Variants in SLC24A2 observed in about 807,000 individuals in gnomAD.
SLC24A2 encodes the protein solute carrier family 24 member 2, also known as sodium/potassium/calcium exchanger 2.
A neutral mutation model predicts 62.0 loss-of-function variants in SLC24A2; 36 were observed. The observed-to-expected ratio is 0.58, with a 90% CI of 0.44 to 0.77. The LOEUF (loss-of-function observed/expected upper bound fraction) is 0.77, where lower values mean the gene tolerates loss of function less well. SLC24A2 is among the 30% of genes least tolerant of loss of function. The pLI is 0.00. For missense variants in SLC24A2, 846 were observed against 817.9 expected (o/e 1.03, Z -0.42); for synonymous variants, 358 against 294.0 (o/e 1.22, Z -2.23).
At chr9:20,300,911 A>C in the SLC24A2 span, among the ~76,000 whole-genome samples, 1 of 152,186 alleles carries the variant, frequency 6.6e-6, no homozygotes, top group Non-Finnish European at 1.5e-5. Flanking sequence ...GCTGTTGCAA[A>C]CCCTTTTGTC....
chr9:19,822,776 T>C, the SLC24A2 span, among the ~76,000 whole-genome samples: 1 of 152,160 alleles, frequency 6.6e-6, no homozygotes, highest in African/African-American at 2.4e-5. Flanking sequence ...CATCACAGAA[T>C]GTAAGGGAGT....
chr9:19,679,838 C>CTGTGTG (rs58253967), intron 2 of SLC24A2, among the ~76,000 whole-genome samples: 6,715 of 142,308 alleles, frequency 0.047, 176 homozygotes, highest in Middle Eastern at 0.13. Context: ...CTCACATATA[C>CTGTGTG]TGTGTGTGTG....
chr9:19,992,342 G>A, the SLC24A2 span, among the ~76,000 whole-genome samples: 1 of 152,156 alleles, frequency 6.6e-6, no homozygotes, highest in African/African-American at 2.4e-5. Flanking sequence ...TTTCCACCAT[G>A]TCTGTTTGCT....
chr9:19,557,760 T>A (rs535916316), intron 7 of SLC24A2, among the ~76,000 whole-genome samples: 91 of 152,142 alleles, frequency 6.0e-4, no homozygotes, highest in South Asian at 1.9e-3. Context: ...TTTTTTTTTT[T>A]TATATTTTCT....
intron 2 of SLC24A2, among the ~76,000 whole-genome samples, chr9:19,745,471 G>A (rs1297749734): frequency 6.6e-6 from 1 of 152,144 alleles, no homozygotes; most frequent in Non-Finnish European, 1.5e-5. Context: ...GGACCTGCTA[G>A]AACTGCAGAA....
chr9:19,809,441 A>G, the SLC24A2 span, among the ~76,000 whole-genome samples: 105 of 152,364 alleles, frequency 6.9e-4, no homozygotes, highest in Non-Finnish European at 6.0e-4. Context: ...GGAGTTAAGA[A>G]GAAATTACGT....
At chr9:20,118,473 C>G in the SLC24A2 span, among the ~76,000 whole-genome samples, 4 of 151,982 alleles carry the variant, frequency 2.6e-5, no homozygotes, top group Non-Finnish European at 5.9e-5. Flanking sequence ...TGAGAGATAA[C>G]CAACAAGTTT....
chr9:19,768,910 C>T (rs1354391924), intron 2 of SLC24A2, among the ~76,000 whole-genome samples: 1 of 152,120 alleles, frequency 6.6e-6, no homozygotes, highest in Non-Finnish European at 1.5e-5. Context: ...TGCTATGAAT[C>T]CCAGGACTTA....
At chr9:20,067,948 A>G in the SLC24A2 span, among the ~76,000 whole-genome samples, 1 of 152,086 alleles carries the variant, frequency 6.6e-6, no homozygotes, top group Admixed American at 6.5e-5. Context: ...TTCTTTGAGA[A>G]ATTTTCAAAC....
Position 19,614,070 on chromosome 9 carries a change from C to T in SLC24A2, c.1078+5514G>A, listed in dbSNP as rs571878149. Among the ~76,000 whole-genome samples, 230 of 152,292 alleles carry T rather than the reference C, an allele frequency of 1.5e-3. 1 individual carries two copies. Among genetic ancestry groups the T allele is most frequent in the African/African-American group, 5.4e-3 (224 of 41,548 alleles). ...AGACAAATGGTAGGAGAAGATACTTCTCACTGCAAAACTGCAACATCCAGC... is the reference window on the plus strand; with the variant it reads ...AGACAAATGGTAGGAGAAGATACTTTTCACTGCAAAACTGCAACATCCAGC... On this transcript the variant is annotated intron_variant, in intron 4 of 10. Transcript: ENST00000341998.
the SLC24A2 span, among the ~76,000 whole-genome samples, chr9:20,116,839 A>G: frequency 6.6e-6 from 1 of 152,170 alleles, no homozygotes; most frequent in African/African-American, 2.4e-5. Flanking sequence ...GTTGAAGATA[A>G]TAGGTAACTT....
chr9:19,986,093 A>G, the SLC24A2 span, among the ~76,000 whole-genome samples: 1 of 152,142 alleles, frequency 6.6e-6, no homozygotes, highest in African/African-American at 2.4e-5. Context: ...AACAAGAACA[A>G]CAAAACTCAA....
chr9:19,594,315 C>T (rs10811215), intron 5 of SLC24A2, among the ~76,000 whole-genome samples: 28,993 of 152,070 alleles, frequency 0.19, 3,013 homozygotes, highest in East Asian at 0.3. Flanking sequence ...CCAAAGCACC[C>T]AGCAGAATAA....
At chr9:19,929,878 G>A in the SLC24A2 span, 1 of 151,746 alleles carries the variant, frequency 6.6e-6, no homozygotes, top group Non-Finnish European at 1.5e-5. Context: ...TTTGTGTCTT[G>A]GTTTCTAACA....
intron 2 of SLC24A2, among the ~76,000 whole-genome samples, chr9:19,640,001 C>G (rs367561253): frequency 1.3e-5 from 2 of 152,216 alleles, no homozygotes; most frequent in Non-Finnish European, 2.9e-5. Flanking sequence ...TTCTAAGATC[C>G]TTCATGCTTC....
At chr9:19,738,124 G>A (rs1821564376) in intron 2 of SLC24A2, among the ~76,000 whole-genome samples, 1 of 152,178 alleles carries the variant, frequency 6.6e-6, no homozygotes, top group East Asian at 1.9e-4. Flanking sequence ...ACTTCATTAT[G>A]CAAGGAATCT....
chr9:19,778,484 A>G (rs773956270), intron 2 of SLC24A2, among the ~76,000 whole-genome samples: 7 of 152,190 alleles, frequency 4.6e-5, no homozygotes, highest in Admixed American at 1.3e-4. Context: ...TGCCTCGCAA[A>G]GGGAGATGGT....
the SLC24A2 span, among the ~76,000 whole-genome samples, chr9:20,011,479 C>T: frequency 5.3e-5 from 8 of 151,916 alleles, no homozygotes; most frequent in South Asian, 2.1e-4. Flanking sequence ...TGAGGGTATT[C>T]GAACACAGGA....
chr9:19,523,210 A>G (rs1174562076), intron 9 of SLC24A2, among the ~76,000 whole-genome samples: 1 of 152,214 alleles, frequency 6.6e-6, no homozygotes, highest in Admixed American at 6.5e-5. Flanking sequence ...ACAGGAAAAC[A>G]TAGGAATTGA....
Sources: allele counts gnomAD v4.1 joint callset (sites outside exome capture counted in the v4.1 genomes callset), GRCh38; gene constraint gnomAD v4.1.1; transcripts MANE v1.5; gene names NCBI Gene and HGNC (gene_info 2026-07-23, HGNC 2026-07-21).